MKLN1: variants seen among roughly 807,000 people sequenced by gnomAD.
The protein encoded by MKLN1 is muskelin 1.
Under a neutral mutation model 99.0 loss-of-function variants are expected in MKLN1, and 18 were observed. The observed-to-expected ratio is 0.18, with a 90% CI of 0.13 to 0.27. MKLN1 has a LOEUF of 0.27. Among genes scored for constraint, MKLN1 ranks in the 10% least tolerant of loss-of-function variants. The probability of loss-of-function intolerance (pLI) is 1.00; values close to 1 mark genes in which losing one functional copy is unlikely to be tolerated. For synonymous variants in MKLN1, 288 were observed against 293.2 expected (o/e 0.98, Z 0.18); for missense variants, 621 against 875.9 (o/e 0.71, Z 3.67).
At chr7:131,127,745 G>A (rs1245834469) in intron 1 of MKLN1, among the ~76,000 whole-genome samples, 5 of 152,134 alleles carry the variant, frequency 3.3e-5, no homozygotes, top group African/African-American at 4.8e-5. Flanking sequence ...TTAAATGATT[G>A]ACTTAAAGCC....
rs773522387 is a variant in MKLN1, at chr7:131,470,865, A to T, written c.1952A>T (p.Asp651Val). 6.2e-7 allele frequency: 1 copy of T among 1,612,180 alleles called. No individual in the cohort carries two copies. The highest frequency in any genetic ancestry group is 1.7e-5 in the Admixed American group (1 of 59,994). Reference sequence around the variant, plus strand: ...AGGTTTGAAGAAAAGGCCCAAGTGGATCCCCTTAGTGCTCTGAAATATTTA... The same window carrying T: ...AGGTTTGAAGAAAAGGCCCAAGTGGTTCCCCTTAGTGCTCTGAAATATTTA... Reference protein sequence around the residue: ...KHRFEEKAQVDPLSALKYLQN... With the variant: ...KHRFEEKAQVVPLSALKYLQN... Residue 651 changes from aspartate to valine, a missense_variant, in exon 16 of 18, where the codon GAT becomes GTT. Physicochemically the swap from Asp to Val is radical, Grantham distance 152 (BLOSUM62 -3). This residue lies in a region of MKLN1 where 126 missense variants were observed against 157.4 expected (regional missense o/e 0.80). Transcript: ENST00000352689.
At chr7:131,239,847 T>C (rs1187621012) in intron 3 of MKLN1, among the ~76,000 whole-genome samples, 1 of 151,930 alleles carries the variant, frequency 6.6e-6, no homozygotes, top group Non-Finnish European at 1.5e-5. Context: ...AAAACCTTTC[T>C]GTTGAAGGTG....
At chr7:131,193,294 A>G (rs1164684614) in intron 2 of MKLN1, among the ~76,000 whole-genome samples, 1 of 152,176 alleles carries the variant, frequency 6.6e-6, no homozygotes, top group Non-Finnish European at 1.5e-5. Context: ...TTTATCTAGG[A>G]ACCATCTTAC....
chr7:131,234,242 A>G (rs1797284501), intron 3 of MKLN1, among the ~76,000 whole-genome samples: 1 of 151,988 alleles, frequency 6.6e-6, no homozygotes, highest in Non-Finnish European at 1.5e-5. Context: ...GGCCTCCCAA[A>G]GTGCTGGGAT....
At chr7:131,404,289 G>A (rs1007902153) in intron 6 of MKLN1, among the ~76,000 whole-genome samples, 1 of 152,174 alleles carries the variant, frequency 6.6e-6, no homozygotes, top group Non-Finnish European at 1.5e-5. Context: ...GAATTTACTA[G>A]TGAAGGCAAC....
At chr7:131,387,516 CTG>C (rs1794069370) in intron 3 of MKLN1, among the ~76,000 whole-genome samples, 1 of 151,962 alleles carries the variant, frequency 6.6e-6, no homozygotes, top group Non-Finnish European at 1.5e-5. Flanking sequence ...CCTTTTTTAA[CTG>C]TATTTTTGAG....
chr7:131,195,530 C>T (rs1796630462), intron 2 of MKLN1, among the ~76,000 whole-genome samples: 1 of 151,872 alleles, frequency 6.6e-6, no homozygotes, highest in South Asian at 2.1e-4. Flanking sequence ...AAAATGTGTA[C>T]AGTGGTTCCC....
intron 3 of MKLN1, among the ~76,000 whole-genome samples, chr7:131,234,773 C>T (rs924378902): frequency 6.6e-6 from 1 of 152,208 alleles, no homozygotes; most frequent in African/African-American, 2.4e-5. Flanking sequence ...ATACCTCTCT[C>T]TCCCAAAGCA....
chr7:131,221,441 C>T (rs1219057898), intron 3 of MKLN1, among the ~76,000 whole-genome samples: 2 of 151,746 alleles, frequency 1.3e-5, no homozygotes, highest in Non-Finnish European at 2.9e-5. Flanking sequence ...GGAAGACCTC[C>T]TTAGACTGGG....
At chr7:131,187,275 C>G (rs73149843) in intron 2 of MKLN1, among the ~76,000 whole-genome samples, 27,338 of 151,628 alleles carry the variant, frequency 0.18, 3,134 homozygotes, top group East Asian at 0.42. Flanking sequence ...ACCGCACAGT[C>G]AGCCTCTTCT....
intron 3 of MKLN1, 49 bp downstream of exon 3, chr7:131,387,311 T>G: frequency 6.5e-7 from 1 of 1,529,712 alleles, no homozygotes; most frequent in Non-Finnish European, 8.8e-7. Flanking sequence ...CAAAACGTAG[T>G]CTTAGTCTTT....
intron 3 of MKLN1, among the ~76,000 whole-genome samples, chr7:131,256,624 C>T (rs1484914914): frequency 6.6e-6 from 1 of 152,142 alleles, no homozygotes; most frequent in African/African-American, 2.4e-5. Context: ...GTCGGTACAT[C>T]TATGAGAAAA....
chr7:131,481,840 C>T (rs1464440719), intron 17 of MKLN1, among the ~76,000 whole-genome samples: 6 of 148,564 alleles, frequency 4.0e-5, no homozygotes, highest in Non-Finnish European at 7.4e-5. Flanking sequence ...AAACCTCAGC[C>T]GAACTTTCTG....
At chr7:131,347,557 C>CT (rs1286947311) in intron 1 of MKLN1, among the ~76,000 whole-genome samples, 1 of 152,154 alleles carries the variant, frequency 6.6e-6, no homozygotes, top group East Asian at 1.9e-4. Context: ...CTCTTACTGA[C>CT]ACAGCTTAAC....
At chr7:131,258,167 C>T (rs2116530276) in intron 3 of MKLN1, among the ~76,000 whole-genome samples, 1 of 150,826 alleles carries the variant, frequency 6.6e-6, no homozygotes, top group Non-Finnish European at 1.5e-5. Context: ...TGAGAGGACA[C>T]CACCACAGAG....
At chr7:131,405,480 T>G (rs983926164) in intron 6 of MKLN1, among the ~76,000 whole-genome samples, 1 of 152,164 alleles carries the variant, frequency 6.6e-6, no homozygotes, top group African/African-American at 2.4e-5. Context: ...TACTGTTGTC[T>G]TCCTTCTCTT....
chr7:131,238,355 C>T (rs1797354964), intron 3 of MKLN1, among the ~76,000 whole-genome samples: 1 of 152,176 alleles, frequency 6.6e-6, no homozygotes, highest in Non-Finnish European at 1.5e-5. Flanking sequence ...AGGAGGTGTT[C>T]ATGTCTTCAT....
In MKLN1 at chr7:131,356,406, G is replaced by C. The variant is rs1448578521; in HGVS notation, c.99-19018G>C. 2.0e-5 allele frequency among the ~76,000 whole-genome samples: 3 copies of C among 152,038 alleles called. No individual in the cohort carries two copies. In the East Asian group the frequency reaches 5.8e-4, roughly 29 times the overall value. ...GTGGGGTGGAGCCCCCTACTGCCCT[G>C]CTCATACCTGACTAGCTACCCACTG... On this transcript the variant is annotated intron_variant, in intron 1 of 17. Transcript: ENST00000352689.
intron 8 of MKLN1, among the ~76,000 whole-genome samples, chr7:131,415,424 A>T (rs1794989537): frequency 6.6e-6 from 1 of 152,038 alleles, no homozygotes; most frequent in African/African-American, 2.4e-5. Flanking sequence ...TTGCTTGGAG[A>T]CTCATATTCT....
Sources: gnomAD v4.1 joint callset for allele counts (sites outside exome capture counted in the v4.1 genomes callset) on GRCh38, gnomAD v4.1.1 for gene constraint, gnomAD v4.1.1 regional missense constraint, MANE v1.5 for transcripts, NCBI Gene and HGNC (gene_info 2026-07-23, HGNC 2026-07-21) for gene names.